The following CPNE4 variants were observed in gnomAD, a reference collection of about 807,000 sequenced individuals.
The protein encoded by CPNE4 is copine-4.
In CPNE4, 25 loss-of-function variants were observed where a neutral mutation model predicts 67.9. That is an observed-to-expected ratio of 0.37 (90% CI 0.27 to 0.51). CPNE4 has a LOEUF of 0.51. CPNE4 is among the 20% of genes least tolerant of loss of function. The pLI is 0.93. For missense variants in CPNE4, 464 were observed against 690.8 expected (o/e 0.67, Z 3.68); for synonymous variants, 242 against 244.9 (o/e 0.99, Z 0.11).
At chr3:131,739,877 AT>A (rs1394530509) in intron 2 of CPNE4, among the ~76,000 whole-genome samples, 1 of 152,102 alleles carries the variant, frequency 6.6e-6, no homozygotes, top group Admixed American at 6.5e-5. Context: ...CCAGGTTTTT[AT>A]TTGTTGTATT....
chr3:131,865,810 C>A (rs2086920573), intron 2 of CPNE4, among the ~76,000 whole-genome samples: 1 of 152,120 alleles, frequency 6.6e-6, no homozygotes, highest in Non-Finnish European at 1.5e-5. Context: ...TTAAGGTGTG[C>A]CTTTGAGACC....
Position 131,820,290 on chromosome 3 carries a change from G to A in CPNE4, c.180+84974C>T, listed in dbSNP as rs1399027638. Reference sequence around the variant, plus strand: ...AGTTGTGCTGTGATGACAGCCCAGTGACAGCCTTGCCTAATCTCTTGGGAA... The same window carrying A: ...AGTTGTGCTGTGATGACAGCCCAGTAACAGCCTTGCCTAATCTCTTGGGAA... On this transcript the variant is annotated intron_variant, in intron 2 of 15. Transcript: ENST00000429747. 2.6e-5 allele frequency among the ~76,000 whole-genome samples: 4 copies of A among 152,184 alleles called. No homozygotes were observed. In the East Asian group the frequency reaches 5.8e-4, roughly 22 times the overall value.
chr3:131,900,788 A>T (rs573529475), intron 2 of CPNE4, among the ~76,000 whole-genome samples: 103 of 152,114 alleles, frequency 6.8e-4, no homozygotes, highest in Non-Finnish European at 1.3e-3. Flanking sequence ...AGTAGAGTCC[A>T]CTGATAATTG....
chr3:131,783,577 A>AT (rs112605554), intron 2 of CPNE4, among the ~76,000 whole-genome samples: 100 of 151,242 alleles, frequency 6.6e-4, no homozygotes, highest in African/African-American at 2.1e-3. Context: ...AGTGACTTTG[A>AT]TTTTTTTTTG....
chr3:132,022,481 C>CAATCACTTGCCGTACGGCAAAAA (rs1373591257), intron 1 of CPNE4, among the ~76,000 whole-genome samples: 1 of 152,032 alleles, frequency 6.6e-6, no homozygotes, highest in African/African-American at 2.4e-5. Flanking sequence ...AAAACAGGTA[C>CAATCACTTGCCGTACGGCAAAAA]AACTTGCCGT....
At chr3:131,899,127 T>A (rs2088454833) in intron 2 of CPNE4, among the ~76,000 whole-genome samples, 1 of 152,130 alleles carries the variant, frequency 6.6e-6, no homozygotes, top group African/African-American at 2.4e-5. Context: ...CTCGTCTATG[T>A]CCACAACTGG....
intron 2 of CPNE4, among the ~76,000 whole-genome samples, chr3:131,848,648 A>G (rs1182026537): frequency 7.1e-6 from 1 of 141,114 alleles, no homozygotes; most frequent in Non-Finnish European, 1.5e-5. Context: ...TTAGGTGATT[A>G]GTAATTAAAT....
At chr3:131,931,127 T>G (rs1017792253) in intron 1 of CPNE4, among the ~76,000 whole-genome samples, 1 of 152,122 alleles carries the variant, frequency 6.6e-6, no homozygotes, top group Non-Finnish European at 1.5e-5. Context: ...CAGGGAAGTT[T>G]CCGTTATGGT....
intron 1 of CPNE4, among the ~76,000 whole-genome samples, chr3:132,001,615 GAAAA>G (rs1560766144): frequency 1.4e-5 from 2 of 146,826 alleles, no homozygotes; most frequent in Non-Finnish European, 3.0e-5. Flanking sequence ...AAGAAAGAAA[GAAAA>G]TGAAGAGGAA....
chr3:132,007,625 CTTT>C (rs1195191781), intron 1 of CPNE4, among the ~76,000 whole-genome samples: 1 of 146,354 alleles, frequency 6.8e-6, no homozygotes, highest in Non-Finnish European at 1.5e-5. Flanking sequence ...CACAGCAGCC[CTTT>C]TTTTTTTTCA....
chr3:131,740,985 T>G (rs902493358), intron 2 of CPNE4, among the ~76,000 whole-genome samples: 1 of 152,228 alleles, frequency 6.6e-6, no homozygotes, highest in African/African-American at 2.4e-5. Context: ...AATATCCACA[T>G]GGCTCTTTCT....
chr3:131,830,516 G>C (rs1394531159), intron 2 of CPNE4, among the ~76,000 whole-genome samples: 6 of 151,980 alleles, frequency 3.9e-5, no homozygotes, highest in Non-Finnish European at 8.8e-5. Context: ...CTTCTCCCTT[G>C]GGACTGTGCT....
At chr3:131,744,648 T>C (rs2082442360) in intron 2 of CPNE4, among the ~76,000 whole-genome samples, 1 of 152,228 alleles carries the variant, frequency 6.6e-6, no homozygotes, top group Non-Finnish European at 1.5e-5. Flanking sequence ...TTCTATCATT[T>C]TGTCAATTCA....
intron 2 of CPNE4, among the ~76,000 whole-genome samples, chr3:131,794,427 T>G (rs1350795777): frequency 6.6e-6 from 1 of 152,058 alleles, no homozygotes; most frequent in Non-Finnish European, 1.5e-5. Context: ...GTACTGTTAG[T>G]AGAGATGGGG....
intron 1 of CPNE4, among the ~76,000 whole-genome samples, chr3:132,030,098 C>T (rs750196824): frequency 3.3e-5 from 5 of 152,030 alleles, no homozygotes; most frequent in Non-Finnish European, 7.4e-5. Context: ...TCCTAACACT[C>T]TAATGGAGGT....
intron 7 of CPNE4, among the ~76,000 whole-genome samples, chr3:131,592,798 C>T (rs1938617880): frequency 1.3e-5 from 2 of 151,984 alleles, no homozygotes; most frequent in South Asian, 4.1e-4. Flanking sequence ...TTAGTGAGCA[C>T]ACCAAACAGT....
intron 2 of CPNE4, among the ~76,000 whole-genome samples, chr3:131,817,749 C>T (rs912427992): frequency 2.0e-5 from 3 of 152,148 alleles, no homozygotes; most frequent in Non-Finnish European, 4.4e-5. Flanking sequence ...AATGATGTTA[C>T]TGATGTTCAT....
intron 2 of CPNE4, among the ~76,000 whole-genome samples, chr3:131,807,291 G>A (rs1362300114): frequency 6.6e-6 from 1 of 151,990 alleles, no homozygotes; most frequent in East Asian, 1.9e-4. Flanking sequence ...CAGGGCAAAG[G>A]GCATCTCACA....
At position 131,724,289 on chromosome 3, in the gene CPNE4, A is replaced by G. The variant is rs114104139; in HGVS notation, c.181-664T>C. Among the ~76,000 whole-genome samples the G allele has an allele frequency of 4.1e-3, 617 of 152,014 alleles. 5 individuals carry two copies. The highest frequency in any genetic ancestry group is 0.014 in the African/African-American group (584 of 41,482). On this transcript the variant is annotated intron_variant, in intron 2 of 15. Transcript: ENST00000429747. Reference sequence around the variant, plus strand: ...TTTATTAAGTGTATAATGTTCACCCATTCATTTCAATTCCCTGGGCCTCAG... The same window carrying G: ...TTTATTAAGTGTATAATGTTCACCCGTTCATTTCAATTCCCTGGGCCTCAG...
Sources: allele counts gnomAD v4.1 joint callset (sites outside exome capture counted in the v4.1 genomes callset), GRCh38; gene constraint gnomAD v4.1.1; transcripts MANE v1.5; gene names NCBI Gene and HGNC (gene_info 2026-07-23, HGNC 2026-07-21).